PHLDB2: variants seen among roughly 807,000 people sequenced by gnomAD.
The protein encoded by PHLDB2 is pleckstrin homology like domain family B member 2, also known as pleckstrin homology-like domain family B member 2.
In PHLDB2, 71 loss-of-function variants were observed where a neutral mutation model predicts 123.6. The observed-to-expected ratio is 0.57, with a 90% CI of 0.47 to 0.70. The LOEUF is 0.70. Among genes scored for constraint, PHLDB2 ranks in the 30% least tolerant of loss-of-function variants. The probability of loss-of-function intolerance (pLI) is 0.00; values close to 1 mark genes in which losing one functional copy is unlikely to be tolerated. For synonymous variants in PHLDB2, 547 were observed against 541.6 expected (o/e 1.01, Z -0.14); for missense variants, 1,446 against 1,519.5 (o/e 0.95, Z 0.80).
intron 1 of PHLDB2, among the ~76,000 whole-genome samples, chr3:111,805,222 C>T (rs933858976): frequency 1.3e-5 from 2 of 152,052 alleles, no homozygotes; most frequent in Non-Finnish European, 2.9e-5. Flanking sequence ...TAGCCAAGAA[C>T]AAATTATGAT....
At chr3:111,881,608 A>G (rs1025569277) in intron 1 of PHLDB2, among the ~76,000 whole-genome samples, 11 of 152,162 alleles carry the variant, frequency 7.2e-5, no homozygotes, top group African/African-American at 2.7e-4. Context: ...CAACCATGAT[A>G]TAATATCATA....
chr3:111,733,614 A>G (rs1444081613), intron 1 of PHLDB2, among the ~76,000 whole-genome samples: 3 of 152,224 alleles, frequency 2.0e-5, no homozygotes, highest in Admixed American at 6.5e-5. Context: ...CTGGAGGTCT[A>G]TGGGGAAGAA....
chr3:111,877,260 T>C (rs543792141), intron 1 of PHLDB2, among the ~76,000 whole-genome samples: 7 of 152,390 alleles, frequency 4.6e-5, no homozygotes, highest in African/African-American at 1.7e-4. Context: ...ATGATTGCCT[T>C]TCTAACTGGT....
At chr3:111,965,446 T>C (rs2071690208) in intron 13 of PHLDB2, among the ~76,000 whole-genome samples, 1 of 152,240 alleles carries the variant, frequency 6.6e-6, no homozygotes, top group Admixed American at 6.5e-5. Flanking sequence ...ATTTAAACCA[T>C]CCTAGGTTTG....
chr3:111,845,977 A>G (rs1364786125), intron 2 of PHLDB2: 9 of 1,581,752 alleles, frequency 5.7e-6, no homozygotes, highest in Non-Finnish European at 7.8e-6. Context: ...CATATTTACA[A>G]GTTCTTACTC....
chr3:111,862,774 C>T (rs545870619), intron 1 of PHLDB2, among the ~76,000 whole-genome samples: 131 of 152,218 alleles, frequency 8.6e-4, no homozygotes, highest in African/African-American at 3.1e-3. Flanking sequence ...AACTTGTGTT[C>T]ATTGACAACT....
chr3:111,945,848 T>C (rs2107616440), intron 9 of PHLDB2, among the ~76,000 whole-genome samples: 1 of 152,178 alleles, frequency 6.6e-6, no homozygotes, highest in South Asian at 2.1e-4. Context: ...TCTGCCATTT[T>C]CCCCTCTAAA....
intron 2 of PHLDB2, among the ~76,000 whole-genome samples, chr3:111,848,284 T>C (rs905677134): frequency 2.0e-5 from 3 of 152,196 alleles, no homozygotes; most frequent in Non-Finnish European, 2.9e-5. Flanking sequence ...CAGTGAATTA[T>C]TCATCAAGGG....
At chr3:111,855,631 T>TG (rs1355607475), upstream of PHLDB2, among the ~76,000 whole-genome samples, 2 of 86,804 alleles carry the variant, frequency 2.3e-5, no homozygotes, top group African/African-American at 6.5e-5. Flanking sequence ...GCATTTGTCT[T>TG]TTTTTTTTTT....
At chr3:111,911,801 A>T in intron 2 of PHLDB2, 2 of 1,214,860 alleles carry the variant, frequency 1.6e-6, no homozygotes, top group South Asian at 2.6e-5. Flanking sequence ...TTGGGGGATT[A>T]CTTTAGAGGG....
intron 5 of PHLDB2, among the ~76,000 whole-genome samples, chr3:111,926,271 G>A (rs1489641042): frequency 6.6e-6 from 1 of 152,056 alleles, no homozygotes; most frequent in Non-Finnish European, 1.5e-5. Context: ...TTTTTCCCAC[G>A]ATTTTCTGGC....
chr3:111,844,454 T>C (rs2063848483), intron 1 of PHLDB2, among the ~76,000 whole-genome samples: 1 of 152,152 alleles, frequency 6.6e-6, no homozygotes, highest in Admixed American at 6.5e-5. Context: ...AATCAAACTC[T>C]CTCTCCCCTG....
At chr3:111,859,988 G>A in intron 1 of PHLDB2, 4 of 800,586 alleles carry the variant, frequency 5.0e-6, no homozygotes, top group Non-Finnish European at 6.0e-6. Context: ...GTGGGTGGGG[G>A]TGGCGAACCC....
chr3:111,819,137 A>G (rs1047487702), intron 1 of PHLDB2, among the ~76,000 whole-genome samples: 2 of 151,910 alleles, frequency 1.3e-5, no homozygotes, highest in African/African-American at 2.4e-5. Flanking sequence ...TCAGGTGTCT[A>G]TTCTTATGAG....
At chr3:111,974,207 A>G (rs374105627) in intron 17 of PHLDB2, among the ~76,000 whole-genome samples, 3 of 152,330 alleles carry the variant, frequency 2.0e-5, no homozygotes, top group East Asian at 1.9e-4. Flanking sequence ...AGCTGCTGAA[A>G]TAATTTATGA....
chr3:111,968,401 A>C (rs2071944121), intron 15 of PHLDB2, among the ~76,000 whole-genome samples: 1 of 152,226 alleles, frequency 6.6e-6, no homozygotes, highest in South Asian at 2.1e-4. Flanking sequence ...GTTGTATTCA[A>C]GCAAAGTTTG....
chr3:111,758,434 C>T (rs555678941), intron 1 of PHLDB2, among the ~76,000 whole-genome samples: 37 of 152,278 alleles, frequency 2.4e-4, no homozygotes, highest in South Asian at 6.2e-4. Context: ...TCTCCTGGTG[C>T]GCTGTTTTTT....
intron 1 of PHLDB2, among the ~76,000 whole-genome samples, chr3:111,797,514 C>T (rs1203671673): frequency 1.3e-5 from 2 of 152,194 alleles, no homozygotes; most frequent in Non-Finnish European, 2.9e-5. Context: ...CAATTCAATC[C>T]ATGTGTAAGG....
rs368799165 is a variant in PHLDB2, at chr3:111,958,464, G to A, written c.2873-3644G>A. The stretch of plus-strand genomic sequence containing the variant: ...GCAGGACTCTACACATTGTGTAATC[G>A]TTAACTCACAAGAGACTTTTCAGGT... On this transcript the variant is annotated intron_variant, in intron 12 of 17. Transcript: ENST00000431670. Among the ~76,000 whole-genome samples the A allele has an allele frequency of 9.9e-4, 150 of 152,226 alleles. 5 individuals carry two copies. The South Asian group carries it at 0.03, about 30-fold the overall frequency.
Sources: allele counts gnomAD v4.1 joint callset (sites outside exome capture counted in the v4.1 genomes callset), GRCh38; gene constraint gnomAD v4.1.1; transcripts MANE v1.5; gene names NCBI Gene and HGNC (gene_info 2026-07-23, HGNC 2026-07-21).